The following DCAF13 variants were observed in gnomAD, a reference collection of about 807,000 sequenced individuals.
DCAF13 encodes the protein DDB1- and CUL4-associated factor 13.
In DCAF13, 38 loss-of-function variants were observed where a neutral mutation model predicts 59.0. That is an observed-to-expected ratio of 0.64 (90% CI 0.50 to 0.84). The LOEUF (loss-of-function observed/expected upper bound fraction) is 0.84, where lower values mean the gene tolerates loss of function less well. Among genes scored for constraint, DCAF13 ranks in the 40% least tolerant of loss-of-function variants. DCAF13 has a pLI of 0.00. For missense variants in DCAF13, 469 were observed against 558.4 expected (o/e 0.84, Z 1.61); for synonymous variants, 173 against 175.0 (o/e 0.99, Z 0.09).
chr8:103,434,642 C>T (rs895934717), intron 7 of DCAF13, among the ~76,000 whole-genome samples: 1 of 151,834 alleles, frequency 6.6e-6, no homozygotes, highest in Non-Finnish European at 1.5e-5. Flanking sequence ...ATGTAGATAT[C>T]CTCTTCTCAG....
rs755314578 is a variant in DCAF13, at chr8:103,435,746, C to T, written c.906C>T (p.Phe302=). 4.3e-5 allele frequency: 69 copies of T among 1,613,564 alleles called. No homozygotes were observed. The Admixed American group carries it at 1.1e-3, about 25-fold the overall frequency. Residue 302 remains phenylalanine, a synonymous_variant, in exon 8 of 11, where the codon TTC becomes TTT. Coordinates refer to ENST00000612750, the MANE Select transcript of DCAF13 (RefSeq NM_015420.7). ...PTGKEFVSAS[F]DKSIRIFPVD... ...GGAAGGAGTTTGTGTCTGCTAGTTT[C>T]GATAAATCTATTCGAATCTTTCCTG...
In DCAF13 at chr8:103,442,843, G is replaced by T; in HGVS notation, c.1299G>T (p.Val433=). The part of the protein sequence containing the change: ...KHSKPGSVPL[V]SEKKKHVVAV... ...GCAAGCCTGGATCTGTGCCACTTGT[G>T]TCAGAGAAGAAGAAACACGTAGTGG... Residue 433 remains valine (V), a synonymous_variant, in exon 11 of 11, where the codon GTG becomes GTT. Coordinates refer to ENST00000612750, the MANE Select transcript of DCAF13 (RefSeq NM_015420.7). The T allele has an allele frequency of 6.2e-7, 1 of 1,607,722 alleles. No homozygotes were observed. The highest frequency in any genetic ancestry group is 8.5e-7 in the Non-Finnish European group (1 of 1,178,158).
At position 103,423,319 on chromosome 8, in the gene DCAF13, A is replaced by G. The variant is rs376533222; in HGVS notation, c.378+2237A>G. Among the ~76,000 whole-genome samples, 10 of 151,018 alleles carry G rather than the reference A, an allele frequency of 6.6e-5. No individual in the cohort carries two copies. In the South Asian group the frequency reaches 8.3e-4, roughly 13 times the overall value. On this transcript the variant is annotated intron_variant, in intron 3 of 10. Transcript: ENST00000612750. ...ACCTAAAGTGTCCAGCAATGGATGA[A>G]TGAATTTTAAAAAAAAAAGTACACA...
At chr8:103,442,112 A>G (rs1817020398) in intron 10 of DCAF13, 1 of 152,438 alleles carries the variant, frequency 6.6e-6, no homozygotes, top group African/African-American at 2.4e-5. Flanking sequence ...AGCAGTGACT[A>G]TCTGAGAATG....
chr8:103,427,774 G>A (rs1816813796), intron 5 of DCAF13: 1 of 153,404 alleles, frequency 6.5e-6, no homozygotes, highest in African/African-American at 2.4e-5. Context: ...GTGATTCCCA[G>A]TTCCTCCAGG....
At chr8:103,419,377 C>T (rs1816691164) in intron 1 of DCAF13, among the ~76,000 whole-genome samples, 1 of 152,150 alleles carries the variant, frequency 6.6e-6, no homozygotes, top group Non-Finnish European at 1.5e-5. Context: ...ACATAGGATG[C>T]TGTGGAGATT....
At chr8:103,423,795 T>A (rs1043926199) in intron 3 of DCAF13, among the ~76,000 whole-genome samples, 1 of 152,220 alleles carries the variant, frequency 6.6e-6, no homozygotes, top group African/African-American at 2.4e-5. Flanking sequence ...ATCTTTTATT[T>A]GTAAATTAAA....
At position 103,443,145 on chromosome 8, in the gene DCAF13, T is replaced by C. The variant is rs567912637; in HGVS notation, c.*263T>C. On this transcript the variant is annotated 3_prime_UTR_variant, in exon 11 of 11. Transcript: ENST00000612750. ...TTTTTTCTTGTTTTTATTACAGATA[T>C]ACTTACTTTCTCTTTGATCTATTAT... 7.3e-5 allele frequency: 20 copies of C among 272,962 alleles called. No homozygotes were observed. The East Asian group carries it at 1.3e-3, about 18-fold the overall frequency. The allele number at this position is 272,962 out of a possible 1,614,324, so 16.9% of individuals were successfully genotyped here.
rs1447869612 is a variant in DCAF13 at position 103,441,785 on chromosome 8, T to TC, written c.1250+167_1250+168insC. The stretch of plus-strand genomic sequence containing the variant: ...ACAGAAGGCCTTTTCTTTTTTCTTT[T>TC]TTTTTTTTTTGAGACGGAGTCTCGC... On this transcript the variant is annotated intron_variant, in intron 10 of 10. Transcript: ENST00000612750. The TC allele has an allele frequency of 1.3e-5, 8 of 633,374 alleles. 1 individual carries two copies. The Admixed American group carries it at 3.2e-4, about 25-fold the overall frequency. 39.2% of individuals were successfully genotyped at this position (633,374 alleles called of 1,614,324 possible). A position where few individuals can be genotyped will look rare whatever the true frequency, so the allele number is the denominator to read the frequency against.
intron 8 of DCAF13, among the ~76,000 whole-genome samples, chr8:103,439,173 T>C (rs1238925893): frequency 6.6e-6 from 1 of 151,770 alleles, no homozygotes; most frequent in African/African-American, 2.4e-5. Context: ...CCTGGCTAAT[T>C]TTTTGCATTT....
rs754945687 is a variant in DCAF13 at position 103,427,077 on chromosome 8, T to G, written c.469-20T>G. 1.3e-6 allele frequency: 2 copies of G among 1,573,734 alleles called. No individual in the cohort carries two copies. Among genetic ancestry groups the G allele is most frequent in the Non-Finnish European group, 1.7e-6 (2 of 1,166,904 alleles). ...GAATTAGTAATGAAAAAAATCCTCT[T>G]AACCTTTTTGCTTTTAAAGACAGTG... On this transcript the variant is annotated intron_variant, in intron 4 of 10. Coordinates refer to ENST00000612750, the MANE Select transcript of DCAF13 (RefSeq NM_015420.7).
At chr8:103,423,710 T>C (rs372661597) in intron 3 of DCAF13, among the ~76,000 whole-genome samples, 3 of 152,238 alleles carry the variant, frequency 2.0e-5, no homozygotes, top group East Asian at 1.9e-4. Flanking sequence ...GTAACAGATA[T>C]GTTAATTAGC....
chr8:103,431,984 A>G (rs1399386890), intron 6 of DCAF13, among the ~76,000 whole-genome samples: 1 of 152,146 alleles, frequency 6.6e-6, no homozygotes, highest in East Asian at 1.9e-4. Context: ...AGTTTGTCAC[A>G]TGCAGGTCAC....
chr8:103,425,241 T>G (rs1202265643), intron 3 of DCAF13, among the ~76,000 whole-genome samples: 1 of 152,244 alleles, frequency 6.6e-6, no homozygotes, highest in Non-Finnish European at 1.5e-5. Context: ...AGTTATACAG[T>G]ACCACATTTA....
chr8:103,434,504 G>A (rs1212396369), intron 7 of DCAF13, among the ~76,000 whole-genome samples: 2 of 152,108 alleles, frequency 1.3e-5, no homozygotes, highest in Non-Finnish European at 2.9e-5. Flanking sequence ...AGTTGTCAAT[G>A]TCTTACTACT....
rs756707427 is a variant in DCAF13 at position 103,430,618 on chromosome 8, C to A, written c.631C>A (p.Leu211Ile). ...TTGTTATACTTGTTTTTAGACATTTCTCTTGGGAAGTTGTGCATCTGACAG... is the reference window on the plus strand; with the variant it reads ...TTGTTATACTTGTTTTTAGACATTTATCTTGGGAAGTTGTGCATCTGACAG... ...SVKFNPIETF[L>I]LGSCASDRNI... Residue 211 changes from leucine (L) to isoleucine (I), a missense_variant, in exon 6 of 11, where the codon CTC (leucine) becomes ATC (isoleucine). Transcript: ENST00000612750. 1 of 1,610,638 alleles carries A rather than the reference C, an allele frequency of 6.2e-7. No homozygotes were observed. The highest frequency in any genetic ancestry group is 8.5e-7 in the Non-Finnish European group (1 of 1,178,176).
chr8:103,424,160 AG>A (rs1236416674), intron 3 of DCAF13, among the ~76,000 whole-genome samples: 1 of 152,004 alleles, frequency 6.6e-6, no homozygotes, highest in East Asian at 1.9e-4. Flanking sequence ...CTGGGACTAC[AG>A]GTGCCCACCA....
At position 103,430,528 on chromosome 8, in the gene DCAF13, G is replaced by A. The variant is rs892418721; in HGVS notation, c.625-84G>A. ...TTGTTTTTTAACATAAATATTAAGG[G>A]CAATTAAATCATTTGTTTACTGAAT... On this transcript the variant is annotated intron_variant, in intron 5 of 10. Transcript: ENST00000612750. 5 of 826,870 alleles carry A rather than the reference G, an allele frequency of 6.0e-6. No individual in the cohort carries two copies. The East Asian group carries it at 1.3e-4, about 21-fold the overall frequency. 51.2% of individuals were successfully genotyped at this position (826,870 alleles called of 1,614,324 possible).
chr8:103,433,760 T>TA (rs1486456451), intron 7 of DCAF13, among the ~76,000 whole-genome samples: 1 of 151,790 alleles, frequency 6.6e-6, no homozygotes, highest in African/African-American at 2.4e-5. Flanking sequence ...CCTGGTGTCT[T>TA]AAAAAAATAA....
Sources: gnomAD v4.1 joint callset for allele counts (sites outside exome capture counted in the v4.1 genomes callset) on GRCh38, gnomAD v4.1.1 for gene constraint, MANE v1.5 for transcripts, NCBI Gene and HGNC (gene_info 2026-07-23, HGNC 2026-07-21) for gene names.